IMMP1L: variants seen among roughly 807,000 people sequenced by gnomAD.
IMMP1L encodes inner mitochondrial membrane peptidase subunit 1.
In IMMP1L, 24 loss-of-function variants were observed where a neutral mutation model predicts 21.8. That is an observed-to-expected ratio of 1.10 (90% CI 0.80 to 1.55). The LOEUF (loss-of-function observed/expected upper bound fraction) is 1.55. IMMP1L is among the 40% of genes most tolerant of loss of function. IMMP1L has a pLI of 0.00. For missense variants in IMMP1L, 195 were observed against 200.7 expected (o/e 0.97, Z 0.17); for synonymous variants, 46 against 62.8 (o/e 0.73, Z 1.26).
At chr11:31,469,998 G>A (rs1954488617) in intron 1 of IMMP1L, among the ~76,000 whole-genome samples, 1 of 151,960 alleles carries the variant, frequency 6.6e-6, no homozygotes. Flanking sequence ...TACCTCAAAA[G>A]CTAAAGAAAA....
chr11:31,455,969 C>T (rs1228625667), intron 4 of IMMP1L, among the ~76,000 whole-genome samples: 5 of 152,040 alleles, frequency 3.3e-5, no homozygotes, highest in African/African-American at 1.2e-4. Flanking sequence ...GAGATAAGTT[C>T]AGATTATGTA....
At chr11:31,466,697 G>A (rs1460502366) in intron 1 of IMMP1L, among the ~76,000 whole-genome samples, 1 of 151,984 alleles carries the variant, frequency 6.6e-6, no homozygotes, top group Admixed American at 6.6e-5. Flanking sequence ...ATCTGTGGGA[G>A]CTTAAAAAAA....
chr11:31,468,854 T>C (rs1015613577), intron 1 of IMMP1L, among the ~76,000 whole-genome samples: 2 of 152,144 alleles, frequency 1.3e-5, no homozygotes, highest in African/African-American at 4.8e-5. Flanking sequence ...TTAAAGATAA[T>C]GCTGCATTTA....
chr11:31,500,374 G>A (rs1267079722), intron 1 of IMMP1L, among the ~76,000 whole-genome samples: 2 of 151,628 alleles, frequency 1.3e-5, no homozygotes, highest in Admixed American at 6.6e-5. Context: ...AATTCAGGGA[G>A]GAAAAAAAAT....
intron 1 of IMMP1L, among the ~76,000 whole-genome samples, chr11:31,502,377 T>G (rs1955649244): frequency 1.3e-5 from 2 of 152,238 alleles, no homozygotes; most frequent in Admixed American, 1.3e-4. Context: ...TTTCATTTTA[T>G]CCTGCAAGAA....
chr11:31,432,438 A>G lies in IMMP1L; in HGVS notation c.*62T>C. 1 of 1,144,272 alleles carries G rather than the reference A, an allele frequency of 8.7e-7. No individual in the cohort carries two copies. The highest frequency in any genetic ancestry group is 1.2e-5 in the South Asian group (1 of 80,910). 70.9% of individuals were successfully genotyped at this position (1,144,272 alleles called of 1,614,324 possible). Reference sequence around the variant, plus strand: ...AGTTTATTGGTAAGTACACGGTTTCAACGGGAGTAATAAATTCACATGAAA... The same window carrying G: ...AGTTTATTGGTAAGTACACGGTTTCGACGGGAGTAATAAATTCACATGAAA... On this transcript the variant is annotated 3_prime_UTR_variant, in exon 6 of 6. Coordinates refer to ENST00000532287, the MANE Select transcript of IMMP1L (RefSeq NM_001304274.2).
chr11:31,439,241 T>TTAATC (rs964267447), intron 4 of IMMP1L, among the ~76,000 whole-genome samples: 3 of 152,234 alleles, frequency 2.0e-5, no homozygotes, highest in African/African-American at 7.2e-5. Context: ...AGCCTTCATG[T>TTAATC]TAATCTGCTT....
At position 31,471,251 on chromosome 11, in the gene IMMP1L, G is replaced by GA. The variant is rs1327325176; in HGVS notation, c.-29-7947dup. Among the ~76,000 whole-genome samples the GA allele has an allele frequency of 2.8e-4, 42 of 152,190 alleles. 1 individual carries two copies. The highest frequency in any genetic ancestry group is 2.7e-3 in the Admixed American group (42 of 15,294). Reference sequence around the variant, plus strand: ...CTGTACACAATTATTAAGTGTTCAAGAAAAATCTCCCAGTGAGAAACCTGT... The same window carrying GA: ...CTGTACACAATTATTAAGTGTTCAAGAAAAAATCTCCCAGTGAGAAACCTGT... On this transcript the variant is annotated intron_variant, in intron 1 of 5. Transcript: ENST00000532287.
intron 4 of IMMP1L, among the ~76,000 whole-genome samples, chr11:31,443,963 C>T (rs1022526466): frequency 1.3e-5 from 2 of 152,172 alleles, no homozygotes; most frequent in Admixed American, 6.5e-5. Flanking sequence ...TAAGGCTTGA[C>T]TTGCTCATTC....
At chr11:31,434,950 C>A (rs1197327768) in intron 4 of IMMP1L, among the ~76,000 whole-genome samples, 1 of 152,034 alleles carries the variant, frequency 6.6e-6, no homozygotes, top group African/African-American at 2.4e-5. Flanking sequence ...GTGTGTACAT[C>A]ACAGTCATCA....
chr11:31,449,550 A>G (rs796461300), intron 4 of IMMP1L, among the ~76,000 whole-genome samples: 27 of 152,298 alleles, frequency 1.8e-4, no homozygotes, highest in African/African-American at 6.5e-4. Flanking sequence ...TTAATACACT[A>G]TACCACCAGT....
At chr11:31,488,473 T>A (rs1955153892) in intron 1 of IMMP1L, among the ~76,000 whole-genome samples, 1 of 152,120 alleles carries the variant, frequency 6.6e-6, no homozygotes, top group Admixed American at 6.5e-5. Flanking sequence ...GAGAAGAAAG[T>A]AATAGCTAAT....
At chr11:31,508,443 C>G (rs569028235) in intron 1 of IMMP1L, among the ~76,000 whole-genome samples, 1 of 152,136 alleles carries the variant, frequency 6.6e-6, no homozygotes, top group Non-Finnish European at 1.5e-5. Context: ...AATATGAAAG[C>G]AACCTTGATC....
chr11:31,468,713 G>A (rs1213652753), intron 1 of IMMP1L, among the ~76,000 whole-genome samples: 3 of 151,840 alleles, frequency 2.0e-5, no homozygotes, highest in African/African-American at 7.3e-5. Flanking sequence ...GATACACAAA[G>A]TAAACAAATA....
chr11:31,472,833 T>C (rs1271505254), intron 1 of IMMP1L, among the ~76,000 whole-genome samples: 1 of 152,166 alleles, frequency 6.6e-6, no homozygotes, highest in African/African-American at 2.4e-5. Flanking sequence ...AACAACCCTA[T>C]GAGAACTTAG....
At chr11:31,490,326 G>A (rs568494572) in intron 1 of IMMP1L, among the ~76,000 whole-genome samples, 1 of 152,110 alleles carries the variant, frequency 6.6e-6, no homozygotes, top group South Asian at 2.1e-4. Flanking sequence ...ACAAAAATTA[G>A]CCGGGCATCG....
At chr11:31,480,882 A>C (rs1004326197) in intron 1 of IMMP1L, among the ~76,000 whole-genome samples, 4 of 152,188 alleles carry the variant, frequency 2.6e-5, no homozygotes, top group Non-Finnish European at 4.4e-5. Context: ...AAAATTCATC[A>C]GTTTTAAATA....
chr11:31,436,228 A>T (rs954270872), intron 4 of IMMP1L, among the ~76,000 whole-genome samples: 1 of 152,052 alleles, frequency 6.6e-6, no homozygotes, highest in Admixed American at 6.6e-5. Flanking sequence ...TTTATGCAGT[A>T]TTTACTTTTA....
chr11:31,465,637 T>A (rs1427972052), intron 1 of IMMP1L, among the ~76,000 whole-genome samples: 1 of 151,736 alleles, frequency 6.6e-6, no homozygotes, highest in Non-Finnish European at 1.5e-5. Context: ...CAGAAATAAA[T>A]CCATGTATTT....
Sources: gnomAD v4.1 joint callset for allele counts (sites outside exome capture counted in the v4.1 genomes callset) on GRCh38, gnomAD v4.1.1 for gene constraint, MANE v1.5 for transcripts, NCBI Gene and HGNC (gene_info 2026-07-23, HGNC 2026-07-21) for gene names.